The following CA13 variants were observed in gnomAD, a reference collection of about 807,000 sequenced individuals.
CA13 encodes the protein carbonic anhydrase 13.
In CA13, 21 loss-of-function variants were observed where a neutral mutation model predicts 31.5. The observed-to-expected ratio is 0.67, with a 90% confidence interval of 0.47 to 0.96. The LOEUF is 0.96. Among genes scored for constraint, CA13 ranks in the 40% least tolerant of loss-of-function variants. CA13 has a pLI of 0.00. For synonymous variants in CA13, 117 were observed against 111.4 expected (o/e 1.05, Z -0.32); for missense variants, 315 against 318.9 (o/e 0.99, Z 0.09).
At chr8:85,271,601 G>C (rs1336580832) in intron 6 of CA13, among the ~76,000 whole-genome samples, 1 of 152,118 alleles carries the variant, frequency 6.6e-6, no homozygotes, top group Non-Finnish European at 1.5e-5. Flanking sequence ...TCAAAATTGG[G>C]TTACTTAGCT....
intron 2 of CA13, among the ~76,000 whole-genome samples, chr8:85,256,373 A>G (rs996134519): frequency 6.6e-6 from 1 of 152,200 alleles, no homozygotes; most frequent in Non-Finnish European, 1.5e-5. Context: ...AAAGATATCA[A>G]AAAGAAAGTT....
intron 6 of CA13, among the ~76,000 whole-genome samples, chr8:85,275,535 C>T (rs996719532): frequency 5.9e-5 from 9 of 152,074 alleles, no homozygotes; most frequent in African/African-American, 1.7e-4. Context: ...CCTTGGGAAG[C>T]GATACGTCTG....
At chr8:85,271,417 CTTGAT>C (rs1807524050) in intron 6 of CA13, among the ~76,000 whole-genome samples, 1 of 152,086 alleles carries the variant, frequency 6.6e-6, no homozygotes. Flanking sequence ...TTTTCTTTTT[CTTGAT>C]TTAAGTCCAT....
chr8:85,267,937 T>G lies in CA13; in HGVS notation c.486T>G (p.Thr162=). The G allele has an allele frequency of 6.3e-7, 1 of 1,596,940 alleles. No homozygotes were observed. Among genetic ancestry groups the G allele is most frequent in the Non-Finnish European group, 8.6e-7 (1 of 1,167,876 alleles). ...CTAATTCCCAACTGCAAAAGATTAC[T>G]GACACTTTGGATTCCATTAAAGAAA... is the stretch of plus-strand genomic sequence containing the variant. ...GEPNSQLQKI[T]DTLDSIKEKG... is the part of the protein sequence containing the mutation. The change falls in exon 5 of 7, where the codon ACT becomes ACG. Residue 162 remains threonine (T), a synonymous_variant. Coordinates refer to ENST00000321764, the MANE Select transcript of CA13 (RefSeq NM_198584.3).
chr8:85,277,443 A>G (rs535834290), intron 6 of CA13, among the ~76,000 whole-genome samples: 63 of 152,234 alleles, frequency 4.1e-4, no homozygotes, highest in Non-Finnish European at 7.9e-4. Flanking sequence ...ACATCCTAGC[A>G]TCAGAAGGAA....
chr8:85,267,253 T>C, intron 4 of CA13: 1 of 986,888 alleles, frequency 1.0e-6, no homozygotes, highest in Non-Finnish European at 1.2e-6. Context: ...TCTCCATGTG[T>C]TGTAACTCAT....
At chr8:85,250,196 G>T (rs1389127477) in intron 1 of CA13, among the ~76,000 whole-genome samples, 1 of 152,192 alleles carries the variant, frequency 6.6e-6, no homozygotes, top group Non-Finnish European at 1.5e-5. Context: ...TCCTTGGTAT[G>T]CCTGTTGCAC....
chr8:85,258,351 T>G (rs1807329334), intron 2 of CA13, among the ~76,000 whole-genome samples: 1 of 151,996 alleles, frequency 6.6e-6, no homozygotes, highest in African/African-American at 2.4e-5. Context: ...AGAGATCATA[T>G]TTACTGAGGA....
At chr8:85,252,206 A>G (rs1330530134) in intron 2 of CA13, among the ~76,000 whole-genome samples, 1 of 152,188 alleles carries the variant, frequency 6.6e-6, no homozygotes, top group Non-Finnish European at 1.5e-5. Context: ...GCAATGAGCC[A>G]TGATAGTGCC....
chr8:85,276,283 A>C lies in CA13; in HGVS notation c.670-4947A>C, dbSNP rs566813749. Reference sequence around the variant, plus strand: ...CCCCGGGGCAGGGCTCGGGACCTGCAGCCCGCCATGCTTGAGCCTCCCCCC... The same window carrying C: ...CCCCGGGGCAGGGCTCGGGACCTGCCGCCCGCCATGCTTGAGCCTCCCCCC... On this transcript the variant is annotated intron_variant, in intron 6 of 6. Transcript: ENST00000321764. Among the ~76,000 whole-genome samples the C allele has an allele frequency of 9.2e-5, 14 of 152,262 alleles. No homozygotes were observed. The East Asian group carries it at 2.5e-3, about 27-fold the overall frequency.
chr8:85,271,797 G>A (rs1237648490), intron 6 of CA13, among the ~76,000 whole-genome samples: 4 of 152,128 alleles, frequency 2.6e-5, no homozygotes, highest in Admixed American at 2.0e-4. Context: ...CAACCACTGT[G>A]GTGGCTCACA....
In CA13 at chr8:85,267,258, A is replaced by T. The variant is rs1373033854; in HGVS notation, c.450+555A>T. The T allele has an allele frequency of 6.1e-6, 6 of 986,190 alleles. No individual in the cohort carries two copies. In the East Asian group the frequency reaches 5.7e-4, roughly 93 times the overall value. 61.1% of individuals were successfully genotyped at this position (986,190 alleles called of 1,614,324 possible). ...CACCCCATACTCTCCATGTGTTGTA[A>T]CTCATGAACAGAGAATGCTTCACGG... is the stretch of plus-strand genomic sequence containing the variant. On this transcript the variant is annotated intron_variant, in intron 4 of 6. Coordinates refer to ENST00000321764, the MANE Select transcript of CA13 (RefSeq NM_198584.3).
chr8:85,276,954 C>T (rs547076999), intron 6 of CA13, among the ~76,000 whole-genome samples: 9 of 152,096 alleles, frequency 5.9e-5, no homozygotes, highest in Admixed American at 3.3e-4. Flanking sequence ...ATGCACCAAT[C>T]GACACTCTGT....
intron 2 of CA13, among the ~76,000 whole-genome samples, chr8:85,253,259 A>G (rs1379745852): frequency 7.3e-6 from 1 of 137,248 alleles, no homozygotes; most frequent in African/African-American, 3.2e-5. Flanking sequence ...TTTCTTATTT[A>G]TTTATTTATT....
intron 2 of CA13, among the ~76,000 whole-genome samples, chr8:85,252,337 C>T (rs1177119705): frequency 6.6e-6 from 1 of 152,032 alleles, no homozygotes; most frequent in Non-Finnish European, 1.5e-5. Context: ...GTACCATTCT[C>T]CTAACAATGG....
chr8:85,266,058 C>T (rs746373453), intron 3 of CA13, among the ~76,000 whole-genome samples: 8 of 152,256 alleles, frequency 5.3e-5, no homozygotes, highest in East Asian at 1.9e-4. Flanking sequence ...TACTGCCAGC[C>T]GGGATTTGAT....
At chr8:85,276,021 A>G (rs575345603) in intron 6 of CA13, among the ~76,000 whole-genome samples, 1 of 152,208 alleles carries the variant, frequency 6.6e-6, no homozygotes, top group African/African-American at 2.4e-5. Flanking sequence ...TGGGCTGGCC[A>G]AGGCCGGAGC....
At position 85,281,635 on chromosome 8, in the gene CA13, C is replaced by A; in HGVS notation, c.*286C>A. On this transcript the variant is annotated 3_prime_UTR_variant, in exon 7 of 7. Coordinates refer to ENST00000321764, the MANE Select transcript of CA13 (RefSeq NM_198584.3). ...TCAAGTGATCCTCCCACCTCAGCCT[C>A]CAGAGTAAGTAGGACCACAGGCATG... 1 of 442,420 alleles carries A rather than the reference C, an allele frequency of 2.3e-6. No individual in the cohort carries two copies. The highest frequency in any genetic ancestry group is 3.2e-6 in the Non-Finnish European group (1 of 308,222). 27.4% of individuals were successfully genotyped at this position (442,420 alleles called of 1,614,324 possible).
intron 3 of CA13, among the ~76,000 whole-genome samples, chr8:85,264,178 G>T (rs1807425252): frequency 6.6e-6 from 1 of 152,154 alleles, no homozygotes; most frequent in African/African-American, 2.4e-5. Context: ...AGTTTAGGCA[G>T]AATATATAGC....
Sources: gnomAD v4.1 joint callset for allele counts (sites outside exome capture counted in the v4.1 genomes callset) on GRCh38, gnomAD v4.1.1 for gene constraint, MANE v1.5 for transcripts, NCBI Gene and HGNC (gene_info 2026-07-23, HGNC 2026-07-21) for gene names.